The following PCDH15 variants were observed in gnomAD, a reference collection of about 807,000 sequenced individuals.
PCDH15 encodes protocadherin-15.
Under a neutral mutation model 178.5 loss-of-function variants are expected in PCDH15, and 129 were observed. The ratio of observed to expected loss-of-function variants is 0.72; its 90% confidence interval spans 0.63 to 0.84. The LOEUF is 0.84. Ranked by LOEUF, PCDH15 falls within the 40% of genes least tolerant of loss-of-function variation. PCDH15 has a pLI of 0.00. For synonymous variants in PCDH15, 800 were observed against 732.0 expected (o/e 1.09, Z -1.50); for missense variants, 2,230 against 2,099.9 (o/e 1.06, Z -1.21).
At chr10:53,869,611 C>T (rs1430761929) in intron 26 of PCDH15, among the ~76,000 whole-genome samples, 13 of 151,968 alleles carry the variant, frequency 8.6e-5, no homozygotes, top group Admixed American at 8.5e-4. Context: ...TAAAATTTTG[C>T]AAAATACACA....
chr10:53,998,699 T>A (rs1414633336), intron 20 of PCDH15, among the ~76,000 whole-genome samples: 1 of 152,190 alleles, frequency 6.6e-6, no homozygotes, highest in South Asian at 2.1e-4. Context: ...TATAGAACAG[T>A]TTTTATTTAG....
intron 3 of PCDH15, among the ~76,000 whole-genome samples, chr10:54,515,716 T>C (rs1390656449): frequency 1.3e-5 from 2 of 152,212 alleles, no homozygotes; most frequent in Non-Finnish European, 2.9e-5. Context: ...GCAGCCTAAC[T>C]GGGAGGCATC....
chr10:53,983,303 A>C (rs1241810622), intron 21 of PCDH15, among the ~76,000 whole-genome samples: 2 of 151,280 alleles, frequency 1.3e-5, no homozygotes, highest in Non-Finnish European at 2.9e-5. Flanking sequence ...CATGTGACTT[A>C]GTCATATTTT....
chr10:55,197,967 A>G (rs951790327), intron 1 of PCDH15, among the ~76,000 whole-genome samples: 3 of 152,162 alleles, frequency 2.0e-5, no homozygotes, highest in African/African-American at 4.8e-5. Context: ...GGCTGAATAT[A>G]ATGTGCTGAA....
At position 55,482,607 on chromosome 10, in the gene PCDH15, T is replaced by C. The variant is rs116858997; in HGVS notation, c.-156+145018A>G. 9.3e-3 allele frequency among the ~76,000 whole-genome samples: 1,420 copies of C among 151,946 alleles called. 13 individuals carry two copies. Among genetic ancestry groups the C allele is most frequent in the Non-Finnish European group, 0.014 (955 of 67,854 alleles). On this transcript the variant is annotated intron_variant, in intron 2 of 5. Transcript: ENST00000613346. ...GTTTGGCTGAATATGAAGTTCTGGA[T>C]TGGAATTTTTTTCCTTTAAAAACAT...
At chr10:54,974,860 A>G (rs919234480) in intron 2 of PCDH15, among the ~76,000 whole-genome samples, 4 of 152,154 alleles carry the variant, frequency 2.6e-5, no homozygotes, top group Non-Finnish European at 4.4e-5. Context: ...TTTCATGCAT[A>G]TTTATTTGGG....
chr10:54,324,414 C>A (rs80298332), intron 7 of PCDH15, among the ~76,000 whole-genome samples: 7,177 of 152,110 alleles, frequency 0.047, 507 homozygotes, highest in African/African-American at 0.16. Flanking sequence ...ATATACAACA[C>A]CCTTGCTATT....
intron 2 of PCDH15, among the ~76,000 whole-genome samples, chr10:55,390,614 G>A (rs1478930633): frequency 6.6e-6 from 1 of 152,184 alleles, no homozygotes; most frequent in African/African-American, 2.4e-5. Flanking sequence ...AGATCTGTCA[G>A]AGGGATCAGT....
At chr10:54,087,844 G>T (rs1182356209) in intron 16 of PCDH15, among the ~76,000 whole-genome samples, 1 of 152,142 alleles carries the variant, frequency 6.6e-6, no homozygotes, top group East Asian at 1.9e-4. Flanking sequence ...CTCATGAATG[G>T]TTGAGCACCA....
intron 20 of PCDH15, among the ~76,000 whole-genome samples, chr10:54,006,029 A>C (rs1158877128): frequency 6.6e-6 from 1 of 152,122 alleles, no homozygotes; most frequent in African/African-American, 2.4e-5. Flanking sequence ...TGAAGGTTAA[A>C]AGTATATGAG....
chr10:53,889,397 TAGAA>T (rs1271268916), intron 26 of PCDH15, among the ~76,000 whole-genome samples: 1 of 152,160 alleles, frequency 6.6e-6, no homozygotes, highest in Non-Finnish European at 1.5e-5. Flanking sequence ...AGAAAAATGT[TAGAA>T]AGAGACCAAA....
intron 2 of PCDH15, among the ~76,000 whole-genome samples, chr10:55,029,745 T>C (rs1840562717): frequency 6.6e-6 from 1 of 152,098 alleles, no homozygotes. Flanking sequence ...TTTCTCTCTG[T>C]TTAATTCTTG....
chr10:55,224,417 TA>T (rs1280106968), intron 1 of PCDH15, among the ~76,000 whole-genome samples: 1 of 152,088 alleles, frequency 6.6e-6, no homozygotes. Flanking sequence ...GTCTGTGCTT[TA>T]AGGGTCCTTG....
intron 20 of PCDH15, among the ~76,000 whole-genome samples, chr10:53,996,318 G>T (rs1333459842): frequency 1.3e-5 from 2 of 152,054 alleles, no homozygotes; most frequent in Non-Finnish European, 2.9e-5. Flanking sequence ...CTTAAGATTA[G>T]ATATATTTAT....
rs193090971 is a variant in PCDH15, at chr10:54,604,473, C to T, written c.91+59699G>A. Among the ~76,000 whole-genome samples, 34 of 152,060 alleles carry T rather than the reference C, an allele frequency of 2.2e-4. No homozygotes were observed. The East Asian group carries it at 6.4e-3, about 29-fold the overall frequency. ...CTGATATTGAGTGCATATACATTTA[C>T]AATAGTTATATCTTCCTATTGAATT... On this transcript the variant is annotated intron_variant, in intron 2 of 37. Transcript: ENST00000644397.
intron 3 of PCDH15, among the ~76,000 whole-genome samples, chr10:54,499,100 G>A (rs1047022634): frequency 3.9e-5 from 6 of 152,100 alleles, no homozygotes; most frequent in Non-Finnish European, 8.8e-5. Context: ...TTTGGGTGGG[G>A]ACAAGAATCC....
intron 34 of PCDH15, among the ~76,000 whole-genome samples, chr10:53,816,721 C>T (rs2076072127): frequency 6.6e-6 from 1 of 152,100 alleles, no homozygotes. Flanking sequence ...AAGAGCAGAA[C>T]ACACAAAACG....
In PCDH15 at chr10:53,805,844, C is replaced by T. The variant is rs1015607007; in HGVS notation, c.*735G>A. On this transcript the variant is annotated 3_prime_UTR_variant, in exon 38 of 38. Transcript: ENST00000644397. Reference sequence around the variant, plus strand: ...ATGTTGCTCCAAACAATTATTTAACCTCAAGTGATTAAACTAAACTAAAGT... The same window carrying T: ...ATGTTGCTCCAAACAATTATTTAACTTCAAGTGATTAAACTAAACTAAAGT... The T allele has an allele frequency of 6.6e-6, 1 of 151,896 alleles. No individual in the cohort carries two copies. The highest frequency in any genetic ancestry group is 2.4e-5 in the African/African-American group (1 of 41,328). The allele number at this position is 151,896 out of a possible 1,614,324, so 9.4% of individuals were successfully genotyped here. A position where few individuals can be genotyped will look rare whatever the true frequency, so the allele number is the denominator to read the frequency against.
chr10:55,564,861 G>A (rs1842269505), intron 2 of PCDH15, among the ~76,000 whole-genome samples: 1 of 151,552 alleles, frequency 6.6e-6, no homozygotes, highest in African/African-American at 2.4e-5. Context: ...AGGAAATTTT[G>A]ATATAAATGA....
Sources: gnomAD v4.1 joint callset for allele counts (sites outside exome capture counted in the v4.1 genomes callset) on GRCh38, gnomAD v4.1.1 for gene constraint, MANE v1.5 for transcripts, NCBI Gene and HGNC (gene_info 2026-07-23, HGNC 2026-07-21) for gene names.